The following TANGO6 variants were observed in gnomAD, a reference collection of about 807,000 sequenced individuals.
The protein encoded by TANGO6 is transport and Golgi organization protein 6 homolog.
Under a neutral mutation model 114.2 loss-of-function variants are expected in TANGO6, and 90 were observed. That is an observed-to-expected ratio of 0.79 (90% confidence interval 0.66 to 0.94). The LOEUF is 0.94. TANGO6 is among the 40% of genes least tolerant of loss of function. The pLI is 0.00. For synonymous variants in TANGO6, 477 were observed against 509.8 expected (o/e 0.94, Z 0.87); for missense variants, 1,274 against 1,315.3 (o/e 0.97, Z 0.49).
chr16:68,985,581 C>T (rs1963881585), intron 15 of TANGO6, among the ~76,000 whole-genome samples: 1 of 152,046 alleles, frequency 6.6e-6, no homozygotes, highest in South Asian at 2.1e-4. Context: ...GGTGTGGTGG[C>T]AGGCACCTAT....
At chr16:68,985,125 G>A (rs1024222461) in intron 15 of TANGO6, among the ~76,000 whole-genome samples, 12 of 151,676 alleles carry the variant, frequency 7.9e-5, no homozygotes, top group South Asian at 2.1e-4. Context: ...CTCCTGCCTC[G>A]GCCTCCCAAA....
At position 68,940,910 on chromosome 16, in the gene TANGO6, A is replaced by C. The variant is rs563292877; in HGVS notation, c.2701+10615A>C. Among the ~76,000 whole-genome samples, 5 of 152,348 alleles carry C rather than the reference A, an allele frequency of 3.3e-5. No individual in the cohort carries two copies. The South Asian group carries it at 8.3e-4, about 25-fold the overall frequency. Reference sequence around the variant, plus strand: ...AAATATAGGAATCTCACATTTAAACAGTCTTGCGGCTGGGAAGCCAAACGA... The same window carrying C: ...AAATATAGGAATCTCACATTTAAACCGTCTTGCGGCTGGGAAGCCAAACGA... On this transcript the variant is annotated intron_variant, in intron 14 of 17. Coordinates refer to ENST00000261778, the MANE Select transcript of TANGO6 (RefSeq NM_024562.2).
chr16:69,044,892 ATGCC>A (rs1959827278), intron 17 of TANGO6, among the ~76,000 whole-genome samples: 1 of 152,204 alleles, frequency 6.6e-6, no homozygotes, highest in Admixed American at 6.5e-5. Context: ...GCAGTGCCTC[ATGCC>A]TATAATCCCA....
At chr16:68,936,425 C>T (rs558397860) in intron 14 of TANGO6, among the ~76,000 whole-genome samples, 4 of 152,070 alleles carry the variant, frequency 2.6e-5, no homozygotes, top group Non-Finnish European at 4.4e-5. Context: ...TTCCACCTCC[C>T]GGGTTCAAGC....
rs961626609 is a variant in TANGO6 at position 68,860,373 on chromosome 16, T to G, written c.584T>G (p.Leu195Arg). The G allele has an allele frequency of 1.2e-6, 2 of 1,613,888 alleles. No homozygotes were observed. The highest frequency in any genetic ancestry group is 1.7e-6 in the Non-Finnish European group (2 of 1,179,894). ...FDAAPDATRR[L>R]YTSCKALLNV... ...GCTGCCCCCGATGCAACTCGAAGAC[T>G]GTACACCAGCTGCAAGGCCCTTCTG... The change falls in exon 2 of 18, where the codon CTG becomes CGG. Residue 195 changes from leucine to arginine, a missense_variant. Transcript: ENST00000261778.
At chr16:69,025,487 G>A (rs1016514258) in intron 16 of TANGO6, among the ~76,000 whole-genome samples, 1 of 152,120 alleles carries the variant, frequency 6.6e-6, no homozygotes, top group Admixed American at 6.6e-5. Flanking sequence ...TTAAAACAAG[G>A]CACCACTCAA....
chr16:68,974,882 A>G (rs1963747862), intron 15 of TANGO6, among the ~76,000 whole-genome samples: 2 of 152,174 alleles, frequency 1.3e-5, no homozygotes, highest in East Asian at 3.9e-4. Context: ...CCTGGGTAAC[A>G]TGGCAAAACC....
chr16:68,912,794 G>A (rs117837415), intron 11 of TANGO6, among the ~76,000 whole-genome samples: 7,560 of 151,220 alleles, frequency 0.05, 223 homozygotes, highest in Non-Finnish European at 0.071. Context: ...GGTAATAGCC[G>A]ACCAGGTGTG....
chr16:68,972,399 C>T (rs1444999092), intron 14 of TANGO6, among the ~76,000 whole-genome samples: 2 of 152,058 alleles, frequency 1.3e-5, no homozygotes, highest in Non-Finnish European at 2.9e-5. Flanking sequence ...AAAAACTGCA[C>T]GTAGACTTTG....
chr16:68,936,931 C>G (rs1393873828), intron 14 of TANGO6, among the ~76,000 whole-genome samples: 1 of 152,180 alleles, frequency 6.6e-6, no homozygotes, highest in Non-Finnish European at 1.5e-5. Flanking sequence ...CTCTTCCACC[C>G]TCTTCCTTTC....
chr16:68,915,557 C>T (rs1430350175), intron 11 of TANGO6, among the ~76,000 whole-genome samples: 1 of 152,188 alleles, frequency 6.6e-6, no homozygotes, highest in African/African-American at 2.4e-5. Flanking sequence ...AGCCACTGTG[C>T]CCAGCTAAGG....
At chr16:68,895,041 G>A (rs1962686301) in intron 7 of TANGO6, among the ~76,000 whole-genome samples, 1 of 152,118 alleles carries the variant, frequency 6.6e-6, no homozygotes, top group South Asian at 2.1e-4. Flanking sequence ...TTGAGCCTCA[G>A]TTTTCCGCAT....
At chr16:69,009,802 GAAT>G (rs569123943) in intron 15 of TANGO6, among the ~76,000 whole-genome samples, 73 of 152,164 alleles carry the variant, frequency 4.8e-4, no homozygotes, top group African/African-American at 1.7e-3. Flanking sequence ...ATTGCAAATG[GAAT>G]TATTTTCTTA....
intron 4 of TANGO6, among the ~76,000 whole-genome samples, chr16:68,868,944 C>T (rs911779021): frequency 6.6e-6 from 1 of 152,064 alleles, no homozygotes; most frequent in Non-Finnish European, 1.5e-5. Context: ...TTCACATCTC[C>T]GTAATATATT....
intron 6 of TANGO6, among the ~76,000 whole-genome samples, chr16:68,878,902 T>C: frequency 6.6e-6 from 1 of 151,142 alleles, no homozygotes; most frequent in East Asian, 2.0e-4. Context: ...CAAAACCCCG[T>C]CTTAACCAAA....
intron 9 of TANGO6, among the ~76,000 whole-genome samples, chr16:68,906,799 T>A (rs1170283855): frequency 6.6e-6 from 1 of 151,164 alleles, no homozygotes; most frequent in Non-Finnish European, 1.5e-5. Flanking sequence ...CTTCTTTTTT[T>A]TTTTTTTTTT....
At chr16:68,999,135 G>A (rs112381112) in intron 15 of TANGO6, among the ~76,000 whole-genome samples, 2 of 152,012 alleles carry the variant, frequency 1.3e-5, no homozygotes, top group Admixed American at 6.6e-5. Flanking sequence ...CTCCCACCTC[G>A]GCTTCCCAAT....
intron 14 of TANGO6, among the ~76,000 whole-genome samples, chr16:68,941,815 A>G (rs1285571552): frequency 6.6e-6 from 1 of 151,986 alleles, no homozygotes; most frequent in Non-Finnish European, 1.5e-5. Flanking sequence ...GGCTGAAAAT[A>G]TTTGATGAAA....
intron 4 of TANGO6, among the ~76,000 whole-genome samples, chr16:68,868,490 C>CTTTT (rs1596996308): frequency 1.6e-5 from 2 of 121,940 alleles, no homozygotes; most frequent in African/African-American, 6.3e-5. Context: ...CTCTATATTT[C>CTTTT]TATTTTTTTT....
Sources: gnomAD v4.1 joint callset for allele counts (sites outside exome capture counted in the v4.1 genomes callset) on GRCh38, gnomAD v4.1.1 for gene constraint, MANE v1.5 for transcripts, NCBI Gene and HGNC (gene_info 2026-07-23, HGNC 2026-07-21) for gene names.